TSHZ2: variants seen among roughly 807,000 people sequenced by gnomAD.
TSHZ2 encodes the protein teashirt homolog 2.
In TSHZ2, 21 loss-of-function variants were observed where a neutral mutation model predicts 74.4. The ratio of observed to expected loss-of-function variants is 0.28; its 90% CI spans 0.20 to 0.41. The LOEUF (loss-of-function observed/expected upper bound fraction) is 0.41. Among genes scored for constraint, TSHZ2 ranks in the 10% least tolerant of loss-of-function variants. The pLI is 1.00. For synonymous variants in TSHZ2, 540 were observed against 515.3 expected, an observed-to-expected ratio of 1.05 and a Z score of -0.65; for missense variants, 1,244 against 1,293.5, an observed-to-expected ratio of 0.96 and a Z score of 0.59.
Position 53,253,492 on chromosome 20 carries a change from C to G in TSHZ2, c.41-7C>G. On this transcript the variant is annotated splice_region_variant and splice_polypyrimidine_tract_variant and intron_variant, in intron 1 of 2. Coordinates refer to ENST00000371497, the MANE Select transcript of TSHZ2 (RefSeq NM_173485.6). ...CTGTCGTTTCATCTCTTCTTCTTCT[C>G]TTGCAGGCTACGCCCAGGAGGAACA... The G allele has an allele frequency of 6.3e-7, 1 of 1,590,046 alleles. No individual in the cohort carries two copies. Among genetic ancestry groups the G allele is most frequent in the Non-Finnish European group, 8.6e-7 (1 of 1,168,150 alleles).
Position 53,490,846 on chromosome 20 carries a change from A to C in TSHZ2, c.*3711A>C, listed in dbSNP as rs1272408178. 6.6e-6 allele frequency: 1 copy of C among 152,208 alleles called. No individual in the cohort carries two copies. The highest frequency in any genetic ancestry group is 1.5e-5 in the Non-Finnish European group (1 of 68,034). The allele number at this position is 152,208 out of a possible 1,614,324, so 9.4% of individuals were successfully genotyped here. On this transcript the variant is annotated 3_prime_UTR_variant, in exon 3 of 3. Coordinates refer to ENST00000371497, the MANE Select transcript of TSHZ2 (RefSeq NM_173485.6). ...TTCATATATATGTGTATACATATGA[A>C]TTTCACTGTTATTTTCCAGGGTCTA...
chr20:53,120,828 A>G (rs1779140234), intron 1 of TSHZ2, among the ~76,000 whole-genome samples: 1 of 152,202 alleles, frequency 6.6e-6, no homozygotes, highest in Non-Finnish European at 1.5e-5. Context: ...GAGTTGCATA[A>G]TTTGCCGTAT....
intron 1 of TSHZ2, among the ~76,000 whole-genome samples, chr20:53,135,782 T>A (rs1987231856): frequency 6.6e-6 from 1 of 151,922 alleles, no homozygotes; most frequent in Non-Finnish European, 1.5e-5. Flanking sequence ...TTTTATTTTT[T>A]TTTTTAGAAA....
At chr20:53,223,320 T>C (rs1989607031) in intron 1 of TSHZ2, among the ~76,000 whole-genome samples, 1 of 152,200 alleles carries the variant, frequency 6.6e-6, no homozygotes, top group Non-Finnish European at 1.5e-5. Flanking sequence ...TTTTAAAATA[T>C]ATGACAAGAA....
chr20:53,455,895 A>G (rs906676390), intron 2 of TSHZ2, among the ~76,000 whole-genome samples: 1 of 151,774 alleles, frequency 6.6e-6, no homozygotes, highest in Non-Finnish European at 1.5e-5. Flanking sequence ...TGAACTCATC[A>G]TTTTTTACGG....
intron 1 of TSHZ2, among the ~76,000 whole-genome samples, chr20:53,078,599 A>G (rs2123222570): frequency 6.6e-6 from 1 of 152,298 alleles, no homozygotes; most frequent in East Asian, 1.9e-4. Context: ...CCCTGGCTGC[A>G]TTTTGCTGGA....
At chr20:53,351,378 C>A (rs924312768) in intron 2 of TSHZ2, among the ~76,000 whole-genome samples, 1 of 151,944 alleles carries the variant, frequency 6.6e-6, no homozygotes, top group Non-Finnish European at 1.5e-5. Flanking sequence ...TGAAATACTG[C>A]AGTATTATAA....
chr20:53,200,061 C>G (rs989806074), intron 1 of TSHZ2, among the ~76,000 whole-genome samples: 1 of 152,122 alleles, frequency 6.6e-6, no homozygotes, highest in African/African-American at 2.4e-5. Context: ...GGAGGAACAA[C>G]CAATCAATCA....
At chr20:53,212,071 A>G (rs1259089635) in intron 1 of TSHZ2, among the ~76,000 whole-genome samples, 1 of 152,154 alleles carries the variant, frequency 6.6e-6, no homozygotes, top group African/African-American at 2.4e-5. Context: ...AATTGTTCCT[A>G]ACTCTCAATC....
At chr20:52,992,687 A>C (rs939829050) in intron 1 of TSHZ2, among the ~76,000 whole-genome samples, 1 of 152,234 alleles carries the variant, frequency 6.6e-6, no homozygotes, top group Non-Finnish European at 1.5e-5. Context: ...AAGGTGGAAA[A>C]GTTGGGGAAA....
intron 2 of TSHZ2, among the ~76,000 whole-genome samples, chr20:53,378,076 C>T (rs1213976627): frequency 6.6e-6 from 1 of 152,120 alleles, no homozygotes; most frequent in Non-Finnish European, 1.5e-5. Context: ...CACGGTGGTT[C>T]ACGCCTGTAA....
chr20:53,051,453 G>GCACACACACA (rs1343176322), intron 1 of TSHZ2, among the ~76,000 whole-genome samples: 252 of 103,042 alleles, frequency 2.4e-3, no homozygotes, highest in South Asian at 5.9e-3. Flanking sequence ...ACTCTGTGGC[G>GCACACACACA]CACGCACACA....
chr20:53,038,192 C>CAAAAAAAAAAA (rs869242676), intron 1 of TSHZ2, among the ~76,000 whole-genome samples: 5 of 53,918 alleles, frequency 9.3e-5, no homozygotes, highest in East Asian at 6.4e-4. Context: ...GATTCCGTCT[C>CAAAAAAAAAAA]AAAAAAAAAA....
chr20:53,352,867 C>T (rs1263540742), intron 2 of TSHZ2, among the ~76,000 whole-genome samples: 1 of 151,634 alleles, frequency 6.6e-6, no homozygotes, highest in Non-Finnish European at 1.5e-5. Flanking sequence ...GTGCAAATTC[C>T]TTTGGTATTA....
intron 1 of TSHZ2, among the ~76,000 whole-genome samples, chr20:53,163,196 C>T (rs924008670): frequency 2.0e-5 from 3 of 152,034 alleles, no homozygotes; most frequent in African/African-American, 7.3e-5. Context: ...ATGGTCCCCA[C>T]CTGCTGAGAT....
chr20:53,309,451 G>A (rs766326450), intron 2 of TSHZ2, among the ~76,000 whole-genome samples: 2 of 152,146 alleles, frequency 1.3e-5, no homozygotes, highest in Non-Finnish European at 2.9e-5. Flanking sequence ...AGAAAGAGAA[G>A]AGGAAAAGAA....
At chr20:53,029,568 T>G (rs1465260967) in intron 1 of TSHZ2, among the ~76,000 whole-genome samples, 1 of 152,116 alleles carries the variant, frequency 6.6e-6, no homozygotes, top group African/African-American at 2.4e-5. Flanking sequence ...CCCAGCTACT[T>G]GGGAAGCTGA....
chr20:53,012,989 T>C lies in TSHZ2; in HGVS notation c.40+39656T>C, dbSNP rs375358939. 8.5e-5 allele frequency among the ~76,000 whole-genome samples: 13 copies of C among 152,350 alleles called. No homozygotes were observed. In the East Asian group the frequency reaches 1.9e-3, roughly 23 times the overall value. ...AAACAAGACAAGCTACCCTAGTTGA[T>C]AACTATCCCTTTATGATCTCAGAAA... is the stretch of plus-strand genomic sequence containing the variant. On this transcript the variant is annotated intron_variant, in intron 1 of 2. Transcript: ENST00000371497.
At chr20:53,141,256 A>C (rs1342916532) in intron 1 of TSHZ2, among the ~76,000 whole-genome samples, 1 of 152,218 alleles carries the variant, frequency 6.6e-6, no homozygotes, top group Non-Finnish European at 1.5e-5. Flanking sequence ...CAGCCTCCAG[A>C]GTTGTCTGAT....
Sources: gnomAD v4.1 joint callset for allele counts (sites outside exome capture counted in the v4.1 genomes callset) on GRCh38, gnomAD v4.1.1 for gene constraint, MANE v1.5 for transcripts, NCBI Gene and HGNC (gene_info 2026-07-23, HGNC 2026-07-21) for gene names.